PBDC1: variants seen among roughly 807,000 people sequenced by gnomAD.
PBDC1 encodes polysaccharide biosynthesis domain containing 1, also known as protein PBDC1.
PBDC1 carries 3 observed loss-of-function variants against 12.0 expected under a neutral mutation model. The ratio of observed to expected loss-of-function variants is 0.25; its 90% CI spans 0.11 to 0.64. The LOEUF is 0.64. Among genes scored for constraint, PBDC1 ranks in the 30% least tolerant of loss-of-function variants. The probability of loss-of-function intolerance (pLI) is 0.84; values close to 1 mark genes in which losing one functional copy is unlikely to be tolerated. For synonymous variants in PBDC1, 64 were observed against 56.4 expected (o/e 1.13, Z -0.60); for missense variants, 162 against 168.1 (o/e 0.96, Z 0.20).
chrX:76,173,089 T>A lies in PBDC1; in HGVS notation c.-50T>A. 1 of 1,157,395 alleles carries A rather than the reference T, an allele frequency of 8.6e-7. No homozygotes were observed. The highest frequency in any genetic ancestry group is 1.2e-6 in the Non-Finnish European group (1 of 862,564). On this transcript the variant is annotated 5_prime_UTR_variant, in exon 1 of 6. Coordinates refer to ENST00000373358, the MANE Select transcript of PBDC1 (RefSeq NM_016500.5). ...CAGTTGAGAAGGACTCTGATCCGGC[T>A]CAGCTTTCCAATCAGCTGCGGAAGG...
rs896805478 is a variant in PBDC1, at chrX:76,177,918, G to A, written c.*10G>A. 4 of 1,208,205 alleles carry A rather than the reference G, an allele frequency of 3.3e-6. No homozygotes were observed. The highest frequency in any genetic ancestry group is 3.4e-6 in the Non-Finnish European group (3 of 893,303). The stretch of plus-strand genomic sequence containing the variant: ...TGAAAAAGCTATGTAAGGTATACAG[G>A]GAACAGCACTCTAGAAGCTATGACT... On this transcript the variant is annotated 3_prime_UTR_variant, in exon 6 of 6. Transcript: ENST00000373358.
chrX:76,177,057 A>C, intron 5 of PBDC1, 65 bp downstream of exon 5: 8 of 704,046 alleles, frequency 1.1e-5, no homozygotes, highest in Non-Finnish European at 1.6e-5. Flanking sequence ...TTTACTGATG[A>C]ATCAGTGATG....
intron 1 of PBDC1, 92 bp downstream of exon 1, chrX:76,173,260 G>T: frequency 1.2e-6 from 1 of 862,768 alleles, no homozygotes; most frequent in South Asian, 2.6e-5. Flanking sequence ...TCACTCAGTC[G>T]CCCAGGCTGG....
intron 3 of PBDC1, 113 bp from the exon 4 acceptor site, chrX:76,175,359 TC>T: frequency 2.9e-6 from 2 of 679,654 alleles, no homozygotes; most frequent in Non-Finnish European, 2.3e-6. Flanking sequence ...TGTCGACACT[TC>T]CTGAAGAGAT....
At chrX:76,173,374 C>T (rs1556796602) in intron 1 of PBDC1, among the ~76,000 whole-genome samples, 13 of 111,070 alleles carry the variant, frequency 1.2e-4, no homozygotes, top group Non-Finnish European at 1.9e-5. Flanking sequence ...GCCCGTGCCA[C>T]CACGCCCAGC....
intron 1 of PBDC1, 123 bp downstream of exon 1, chrX:76,173,291 G>C (rs1370216836): frequency 8.2e-6 from 5 of 613,486 alleles, no homozygotes; most frequent in Non-Finnish European, 1.2e-5. Context: ...TGGGATCACC[G>C]CTTACTGCAG....
At chrX:76,176,804 A>C in intron 4 of PBDC1, 77 bp from the exon 5 acceptor site, 2 of 623,172 alleles carry the variant, frequency 3.2e-6, no homozygotes, top group Non-Finnish European at 5.4e-6. Flanking sequence ...TTACTGGGAA[A>C]ATGGAAGTCC....
At chrX:76,176,180 G>T (rs184287089) in intron 4 of PBDC1, among the ~76,000 whole-genome samples, 3 of 107,470 alleles carry the variant, frequency 2.8e-5, no homozygotes, top group Non-Finnish European at 5.8e-5. Context: ...TTGATACAGG[G>T]TCTCACTCTG....
rs782230463 is a variant in PBDC1, at chrX:76,173,104, G to A, written c.-35G>A. 22 of 1,167,894 alleles carry A rather than the reference G, an allele frequency of 1.9e-5. No homozygotes were observed. Among genetic ancestry groups the A allele is most frequent in the Non-Finnish European group, 2.3e-5 (20 of 872,132 alleles). On this transcript the variant is annotated 5_prime_UTR_variant, in exon 1 of 6. Coordinates refer to ENST00000373358, the MANE Select transcript of PBDC1 (RefSeq NM_016500.5). ...CTGATCCGGCTCAGCTTTCCAATCA[G>A]CTGCGGAAGGAGCCACGCTTTCGGG...
chrX:76,174,858 T>C, intron 2 of PBDC1, 32 bp from the exon 3 acceptor site: 1 of 1,172,834 alleles, frequency 8.5e-7, no homozygotes, highest in Non-Finnish European at 1.2e-6. Context: ...GATGGGGAGA[T>C]TTATGACCTG....
intron 1 of PBDC1, 118 bp from the exon 2 acceptor site, chrX:76,173,467 C>T: frequency 1.2e-5 from 6 of 513,795 alleles, no homozygotes; most frequent in Non-Finnish European, 1.9e-5. Flanking sequence ...AGGCGATCCG[C>T]CCGCCTCGGC....
At chrX:76,175,099 G>A in intron 3 of PBDC1, 150 bp downstream of exon 3, 1 of 505,573 alleles carries the variant, frequency 2.0e-6, no homozygotes, top group Non-Finnish European at 3.3e-6. Flanking sequence ...CAACAGAGGA[G>A]CGAAGGCAAA....
At chrX:76,175,429 T>C in intron 3 of PBDC1, 44 bp from the exon 4 acceptor site, 1 of 1,164,589 alleles carries the variant, frequency 8.6e-7, no homozygotes, top group Non-Finnish European at 1.2e-6. Context: ...AGAAGTATAG[T>C]AAATTACAGA....
intron 2 of PBDC1, 49 bp downstream of exon 2, chrX:76,173,699 C>T: frequency 1.1e-6 from 1 of 896,561 alleles, no homozygotes; most frequent in African/African-American, 2.0e-5. Context: ...AGCCTGGGAT[C>T]TCTGCAGGAC....
At chrX:76,176,152 T>G (rs910035020) in intron 4 of PBDC1, among the ~76,000 whole-genome samples, 17 of 49,755 alleles carry the variant, frequency 3.4e-4, no homozygotes, top group South Asian at 1.8e-3. Context: ...TTGTTTTTTG[T>G]TTTTTGGTTT....
chrX:76,173,397 A>G (rs1924707114), intron 1 of PBDC1, among the ~76,000 whole-genome samples, 188 bp from the exon 2 acceptor site: 1 of 109,995 alleles, frequency 9.1e-6, no homozygotes, highest in Admixed American at 9.6e-5. Context: ...CATTTTTTGT[A>G]TTTTTTGTAG....
chrX:76,177,053 G>A, intron 5 of PBDC1, 61 bp downstream of exon 5: 2 of 748,997 alleles, frequency 2.7e-6, no homozygotes, highest in South Asian at 2.3e-5. Context: ...TGGCTTTACT[G>A]ATGAATCAGT....
At chrX:76,174,800 C>A in intron 2 of PBDC1, 90 bp from the exon 3 acceptor site, 1 of 699,253 alleles carries the variant, frequency 1.4e-6, no homozygotes, top group Non-Finnish European at 2.3e-6. Flanking sequence ...CCCTCTTGAG[C>A]ATTAACTAGA....
In PBDC1 at chrX:76,173,575, T is replaced by C; in HGVS notation, c.31-10T>C. On this transcript the variant is annotated splice_polypyrimidine_tract_variant and intron_variant, in intron 1 of 5. Transcript: ENST00000373358. Reference sequence around the variant, plus strand: ...GGGGGGAGCCTTGAACTCTTTTTCCTCCTTTCTAGGTTTCCGGGGAGTTGG... The same window carrying C: ...GGGGGGAGCCTTGAACTCTTTTTCCCCCTTTCTAGGTTTCCGGGGAGTTGG... 1 of 1,186,748 alleles carries C rather than the reference T, an allele frequency of 8.4e-7. No homozygotes were observed. The highest frequency in any genetic ancestry group is 1.9e-5 in the South Asian group (1 of 52,606).
Sources: gnomAD v4.1 joint callset for allele counts (sites outside exome capture counted in the v4.1 genomes callset) on GRCh38, gnomAD v4.1.1 for gene constraint, MANE v1.5 for transcripts, NCBI Gene and HGNC (gene_info 2026-07-23, HGNC 2026-07-21) for gene names.